The following SCAI variants were observed in gnomAD, a reference collection of about 807,000 sequenced individuals.
SCAI encodes suppressor of cancer cell invasion, also known as protein SCAI.
SCAI carries 24 observed loss-of-function variants against 92.2 expected under a neutral mutation model. That is an observed-to-expected ratio of 0.26 (90% CI 0.19 to 0.37). SCAI has a LOEUF of 0.37. Among genes scored for constraint, SCAI ranks in the 10% least tolerant of loss-of-function variants. The pLI is 1.00. For missense variants in SCAI, 450 were observed against 736.2 expected, an observed-to-expected ratio of 0.61 and a Z score of 4.50; for synonymous variants, 261 against 258.6, an observed-to-expected ratio of 1.01 and a Z score of -0.09.
At chr9:125,073,804 G>A (rs1175058826) in intron 2 of SCAI, among the ~76,000 whole-genome samples, 1 of 152,136 alleles carries the variant, frequency 6.6e-6, no homozygotes, top group Non-Finnish European at 1.5e-5. Flanking sequence ...AAAATGAAGA[G>A]TACAGGATTT....
At chr9:125,044,114 G>A (rs1195552871) in intron 3 of SCAI, among the ~76,000 whole-genome samples, 4 of 152,102 alleles carry the variant, frequency 2.6e-5, no homozygotes, top group Non-Finnish European at 5.9e-5. Flanking sequence ...AACTGACTGG[G>A]TGTGCTCATG....
rs530138141 is a variant in SCAI at position 124,985,084 on chromosome 9, C to T, written c.1327-8898G>A. 3.9e-5 allele frequency among the ~76,000 whole-genome samples: 6 copies of T among 152,244 alleles called. No homozygotes were observed. In the East Asian group the frequency reaches 1.2e-3, roughly 29 times the overall value. ...GGAATCTAATAGAAAACTCGCCCTG[C>T]ATTAAACTGGAATCCTCAGGGCTAC... is the stretch of plus-strand genomic sequence containing the variant. On this transcript the variant is annotated intron_variant, in intron 14 of 17. Coordinates refer to ENST00000336505, the MANE Select transcript of SCAI (RefSeq NM_001144877.3).
chr9:125,012,808 T>A (rs1033965240), intron 9 of SCAI, among the ~76,000 whole-genome samples: 10 of 151,808 alleles, frequency 6.6e-5, no homozygotes, highest in Non-Finnish European at 1.2e-4. Context: ...ACGTAAAAGA[T>A]CAGAAATTAT....
At chr9:125,089,610 A>G (rs927045010) in intron 2 of SCAI, among the ~76,000 whole-genome samples, 1 of 152,220 alleles carries the variant, frequency 6.6e-6, no homozygotes, top group Non-Finnish European at 1.5e-5. Flanking sequence ...TTGCATTTCA[A>G]CAAGCTTTCA....
At position 125,091,477 on chromosome 9, in the gene SCAI, G is replaced by A. The variant is rs575201684; in HGVS notation, c.99-35470C>T. Among the ~76,000 whole-genome samples, 57 of 152,214 alleles carry A rather than the reference G, an allele frequency of 3.7e-4. No homozygotes were observed. The highest frequency in any genetic ancestry group is 1.2e-3 in the African/African-American group (49 of 41,526). On this transcript the variant is annotated intron_variant, in intron 2 of 17. Transcript: ENST00000336505. The surrounding 1 kb of genome is among the most constrained non-coding windows in gnomAD (Gnocchi z 4.3). The stretch of plus-strand genomic sequence containing the variant: ...CTTCCAAAATGGGTATAATTAAAAA[G>A]CTAAAATTCTAAATACCATTCACAT...
intron 2 of SCAI, among the ~76,000 whole-genome samples, chr9:125,140,795 G>A (rs1324880178): frequency 6.6e-6 from 1 of 151,334 alleles, no homozygotes; most frequent in East Asian, 1.9e-4. Context: ...GGAGGTGGAG[G>A]TTGCAGTATG....
In SCAI at chr9:124,950,739, A is replaced by G. The variant is rs1831223153; in HGVS notation, c.*2068T>C. On this transcript the variant is annotated 3_prime_UTR_variant, in exon 18 of 18. Coordinates refer to ENST00000336505, the MANE Select transcript of SCAI (RefSeq NM_001144877.3). ...TTTCTGAAATACTGTTTGAAAGAAC[A>G]AACAAAAAAATTTTTAAAAAGTAAA... 1 of 152,182 alleles carries G rather than the reference A, an allele frequency of 6.6e-6. No homozygotes were observed. The highest frequency in any genetic ancestry group is 2.1e-4 in the South Asian group (1 of 4,832). The allele number at this position is 152,182 out of a possible 1,614,324, so 9.4% of individuals were successfully genotyped here. A position where few individuals can be genotyped will look rare whatever the true frequency, so the allele number is the denominator to read the frequency against.
chr9:125,047,649 A>G (rs1564392621), intron 3 of SCAI, among the ~76,000 whole-genome samples: 1 of 152,218 alleles, frequency 6.6e-6, no homozygotes, highest in African/African-American at 2.4e-5. Flanking sequence ...ACAGTCAGCC[A>G]TTATGAGAAC....
chr9:125,050,529 C>T (rs1039482952), intron 3 of SCAI, among the ~76,000 whole-genome samples: 4 of 152,116 alleles, frequency 2.6e-5, no homozygotes, highest in African/African-American at 9.7e-5. Flanking sequence ...ATAAAGACAG[C>T]CCTTTATAAT....
chr9:125,039,496 G>A (rs1456249296), intron 3 of SCAI, among the ~76,000 whole-genome samples: 2 of 152,084 alleles, frequency 1.3e-5, no homozygotes, highest in African/African-American at 4.8e-5. Context: ...CACCACTGGA[G>A]ACTTTATCGA....
intron 2 of SCAI, among the ~76,000 whole-genome samples, chr9:125,092,486 T>C (rs1834453071): frequency 6.6e-6 from 1 of 151,764 alleles, no homozygotes; most frequent in Non-Finnish European, 1.5e-5. Context: ...CCAGAGAAAA[T>C]CAGTAAAGAT....
intron 14 of SCAI, among the ~76,000 whole-genome samples, chr9:124,992,486 C>A (rs142594519): frequency 6.6e-6 from 1 of 151,398 alleles, no homozygotes; most frequent in Non-Finnish European, 1.5e-5. Flanking sequence ...CGGGTTCAAG[C>A]GATTCTCCTG....
Position 124,952,828 on chromosome 9 carries a change from C to T in SCAI, c.1800G>A (p.Glu600=). ...SILDVRNVFF[E]NTIDDY is the part of the protein sequence containing the mutation. ...TGTTTTAATAGTCATCAATGGTATT[C>T]TCAAAGAACACGTTTCGAACATCCA... Residue 600 remains glutamate (E), a synonymous_variant, in exon 18 of 18, where the codon GAG becomes GAA. Coordinates refer to ENST00000336505, the MANE Select transcript of SCAI (RefSeq NM_001144877.3). 1 of 1,613,180 alleles carries T rather than the reference C, an allele frequency of 6.2e-7. No individual in the cohort carries two copies. Among genetic ancestry groups the T allele is most frequent in the Non-Finnish European group, 8.5e-7 (1 of 1,179,654 alleles).
chr9:125,083,529 A>C (rs558101739), intron 2 of SCAI, among the ~76,000 whole-genome samples: 6 of 151,652 alleles, frequency 4.0e-5, no homozygotes, highest in Non-Finnish European at 7.4e-5. Flanking sequence ...AAAAAAAAAA[A>C]AAAAAAAAAA....
At position 124,968,570 on chromosome 9, in the gene SCAI, CG is replaced by C. The variant is rs1831587160; in HGVS notation, c.1674+2799del. 3 of 873,960 alleles carry C rather than the reference CG, an allele frequency of 3.4e-6. No homozygotes were observed. The Admixed American group carries it at 5.3e-5, about 15-fold the overall frequency. 54.1% of individuals were successfully genotyped at this position (873,960 alleles called of 1,614,324 possible). A position where few individuals can be genotyped will look rare whatever the true frequency, so the allele number is the denominator to read the frequency against. On this transcript the variant is annotated intron_variant, in intron 17 of 17. Transcript: ENST00000336505. ...CAAAGGAAACATCATAGTCCTCAAA[CG>C]TGTATGGCTTGTCTGCAAGGTCTTC... is the stretch of plus-strand genomic sequence containing the variant.
chr9:125,038,105 A>T (rs1166457225), intron 3 of SCAI, among the ~76,000 whole-genome samples: 2 of 152,110 alleles, frequency 1.3e-5, no homozygotes, highest in African/African-American at 2.4e-5. Flanking sequence ...AAAAATACAC[A>T]AATTAGCCAG....
At chr9:125,097,554 C>T (rs935562192) in intron 2 of SCAI, among the ~76,000 whole-genome samples, 5 of 151,742 alleles carry the variant, frequency 3.3e-5, no homozygotes, top group Non-Finnish European at 7.4e-5. Context: ...TATATGTAAT[C>T]TTCAATATAT....
chr9:125,074,540 G>A (rs916693165), intron 2 of SCAI, among the ~76,000 whole-genome samples: 8 of 150,980 alleles, frequency 5.3e-5, no homozygotes, highest in Non-Finnish European at 8.8e-5. Context: ...TTACACGCAT[G>A]AGCCTGGCCT....
chr9:125,083,163 GT>G (rs1381553059), intron 2 of SCAI, among the ~76,000 whole-genome samples: 6 of 152,076 alleles, frequency 3.9e-5, no homozygotes, highest in African/African-American at 1.4e-4. Flanking sequence ...AGATCTGATG[GT>G]TTTAAAAAGA....
Sources: allele counts gnomAD v4.1 joint callset (sites outside exome capture counted in the v4.1 genomes callset), GRCh38; gene constraint gnomAD v4.1.1; non-coding constraint Gnocchi (gnomAD v3.1); transcripts MANE v1.5; gene names NCBI Gene and HGNC (gene_info 2026-07-23, HGNC 2026-07-21).